Variants in CDKAL1 observed in about 807,000 individuals in gnomAD.
CDKAL1 encodes the protein threonylcarbamoyladenosine tRNA methylthiotransferase.
A neutral mutation model predicts 68.2 loss-of-function variants in CDKAL1; 32 were observed. That is an observed-to-expected ratio of 0.47 (90% CI 0.35 to 0.63). The LOEUF is 0.63. Ranked by LOEUF, CDKAL1 falls within the 30% of genes least tolerant of loss-of-function variation. CDKAL1 has a pLI of 0.00. For missense variants in CDKAL1, 606 were observed against 696.7 expected (o/e 0.87, Z 1.47); for synonymous variants, 234 against 244.3 (o/e 0.96, Z 0.39).
chr6:21,047,561 T>C, intron 11 of CDKAL1, among the ~76,000 whole-genome samples: 1 of 152,214 alleles, frequency 6.6e-6, no homozygotes, highest in East Asian at 1.9e-4. Context: ...GCATTTCACC[T>C]TTAAGTCAGT....
intron 5 of CDKAL1, among the ~76,000 whole-genome samples, chr6:20,702,579 G>C (rs1030697025): frequency 4.6e-5 from 7 of 151,036 alleles, no homozygotes; most frequent in African/African-American, 1.7e-4. Context: ...CGTTCCGCCA[G>C]TCGATGGCCG....
intron 13 of CDKAL1, among the ~76,000 whole-genome samples, chr6:21,116,682 C>T (rs574870486): frequency 6.6e-6 from 1 of 152,198 alleles, no homozygotes; most frequent in South Asian, 2.1e-4. Context: ...CCTGCACCTC[C>T]CCATCCAAGA....
chr6:20,553,775 T>C (rs1763925179), intron 4 of CDKAL1, among the ~76,000 whole-genome samples: 1 of 152,140 alleles, frequency 6.6e-6, no homozygotes. Flanking sequence ...CATGCCTGAC[T>C]GATTCTTGTA....
At chr6:20,961,332 C>A (rs1011127716) in intron 10 of CDKAL1, among the ~76,000 whole-genome samples, 1 of 152,076 alleles carries the variant, frequency 6.6e-6, no homozygotes, top group African/African-American at 2.4e-5. Flanking sequence ...AGCAAACTAA[C>A]GCAGGAATAG....
At chr6:20,554,378 T>C (rs1247722794) in intron 4 of CDKAL1, among the ~76,000 whole-genome samples, 1 of 152,232 alleles carries the variant, frequency 6.6e-6, no homozygotes, top group African/African-American at 2.4e-5. Flanking sequence ...AGTCATCCTT[T>C]GTTTATTGTT....
chr6:20,639,726 C>T (rs1057060329), intron 4 of CDKAL1, among the ~76,000 whole-genome samples: 25 of 152,126 alleles, frequency 1.6e-4, no homozygotes, highest in African/African-American at 4.1e-4. Flanking sequence ...GCTGGAGTGC[C>T]GTGGTGCGAT....
At chr6:21,224,468 T>TACTGGACAG (rs1779655482) in intron 15 of CDKAL1, among the ~76,000 whole-genome samples, 1 of 152,136 alleles carries the variant, frequency 6.6e-6, no homozygotes, top group Admixed American at 6.5e-5. Flanking sequence ...AAGCCGAGAT[T>TACTGGACAG]GCGCCACTGT....
chr6:21,003,371 T>TATATATATATAGATATATATACAC, intron 11 of CDKAL1, among the ~76,000 whole-genome samples: 1 of 49,312 alleles, frequency 2.0e-5, no homozygotes. Context: ...TATATATATA[T>TATATATATATAGATATATATACAC]ACACACACAC....
intron 9 of CDKAL1, among the ~76,000 whole-genome samples, chr6:20,937,075 G>GT (rs555789634): frequency 2.3e-4 from 35 of 151,800 alleles, no homozygotes; most frequent in East Asian, 2.1e-3. Flanking sequence ...TTCTTCAAGT[G>GT]TTTTTTTTCT....
At chr6:21,214,880 TG>T (rs1779287015) in intron 15 of CDKAL1, among the ~76,000 whole-genome samples, 1 of 150,940 alleles carries the variant, frequency 6.6e-6, no homozygotes, top group South Asian at 2.1e-4. Context: ...GTTGGATGAA[TG>T]AATGAATGAA....
chr6:20,965,545 C>T (rs1370597973), intron 10 of CDKAL1, among the ~76,000 whole-genome samples: 1 of 152,144 alleles, frequency 6.6e-6, no homozygotes, highest in Non-Finnish European at 1.5e-5. Flanking sequence ...AAAGATCTCT[C>T]TCACTCTAAC....
chr6:20,882,758 G>A (rs1403584920), intron 9 of CDKAL1, among the ~76,000 whole-genome samples: 17 of 152,146 alleles, frequency 1.1e-4, no homozygotes, highest in African/African-American at 1.9e-4. Flanking sequence ...ATTCACATAC[G>A]GATTCTTATG....
intron 9 of CDKAL1, among the ~76,000 whole-genome samples, chr6:20,921,500 A>G (rs968348431): frequency 6.6e-6 from 1 of 152,174 alleles, no homozygotes; most frequent in Non-Finnish European, 1.5e-5. Flanking sequence ...GCTCCTGGCT[A>G]TCCAGGTTTA....
chr6:20,715,979 T>G (rs1221840751), intron 5 of CDKAL1, among the ~76,000 whole-genome samples: 1 of 152,200 alleles, frequency 6.6e-6, no homozygotes, highest in Non-Finnish European at 1.5e-5. Flanking sequence ...TTTCTCAACT[T>G]AGGTAAGAAG....
chr6:20,862,286 C>T (rs564526385), intron 9 of CDKAL1, among the ~76,000 whole-genome samples: 76 of 152,176 alleles, frequency 5.0e-4, no homozygotes, highest in African/African-American at 1.8e-3. Flanking sequence ...ATAAGAGCAG[C>T]GATTCAGTTA....
intron 8 of CDKAL1, among the ~76,000 whole-genome samples, chr6:20,810,924 G>A (rs931512456): frequency 2.6e-5 from 4 of 152,008 alleles, no homozygotes; most frequent in Non-Finnish European, 5.9e-5. Context: ...TCCCTGCAAC[G>A]CTTTGGGTCT....
chr6:20,694,200 G>A (rs1167492201), intron 5 of CDKAL1, among the ~76,000 whole-genome samples: 3 of 149,920 alleles, frequency 2.0e-5, no homozygotes, highest in African/African-American at 5.0e-5. Context: ...AAACAAACAA[G>A]CAAACAAACA....
intron 13 of CDKAL1, among the ~76,000 whole-genome samples, chr6:21,156,268 T>TA (rs1354990968): frequency 9.2e-5 from 14 of 151,482 alleles, no homozygotes; most frequent in Admixed American, 9.2e-4. Flanking sequence ...AAAAAATTTT[T>TA]AAAAAATTAG....
rs1171550901 is a variant in CDKAL1 at position 21,106,980 on chromosome 6, C to T, written c.1237-1421C>T. Among the ~76,000 whole-genome samples, 15 of 107,476 alleles carry T rather than the reference C, an allele frequency of 1.4e-4. No homozygotes were observed. In the East Asian group the frequency reaches 4.1e-3, roughly 30 times the overall value. The allele number at this position is 107,476 out of a possible 152,430, so 70.5% of individuals were successfully genotyped here. A position where few individuals can be genotyped will look rare whatever the true frequency, so the allele number is the denominator to read the frequency against. On this transcript the variant is annotated intron_variant, in intron 12 of 15. Transcript: ENST00000274695. ...TTTTTGAGATGGAGTCTCGCTTTTTCGCCCAGGCTGGAGCTGCAGTGCAGT... is the reference window on the plus strand; with the variant it reads ...TTTTTGAGATGGAGTCTCGCTTTTTTGCCCAGGCTGGAGCTGCAGTGCAGT...
Sources: gnomAD v4.1 joint callset for allele counts (sites outside exome capture counted in the v4.1 genomes callset) on GRCh38, gnomAD v4.1.1 for gene constraint, MANE v1.5 for transcripts, NCBI Gene and HGNC (gene_info 2026-07-23, HGNC 2026-07-21) for gene names.